The following NPAS3 variants were observed in gnomAD, a reference collection of about 807,000 sequenced individuals.
The protein encoded by NPAS3 is neuronal PAS domain protein 3, also known as neuronal PAS domain-containing protein 3.
Under a neutral mutation model 73.1 loss-of-function variants are expected in NPAS3, and 14 were observed. The ratio of observed to expected loss-of-function variants is 0.19; its 90% confidence interval spans 0.13 to 0.30. The LOEUF (loss-of-function observed/expected upper bound fraction) is 0.30, where lower values mean the gene tolerates loss of function less well. Among genes scored for constraint, NPAS3 ranks in the 10% least tolerant of loss-of-function variants. NPAS3 has a pLI of 1.00. For missense variants in NPAS3, 1,096 were observed against 1,250.0 expected (o/e 0.88, Z 1.86); for synonymous variants, 620 against 541.5 (o/e 1.14, Z -2.01).
At chr14:33,675,528 C>G (rs1357394287) in intron 5 of NPAS3, among the ~76,000 whole-genome samples, 3 of 151,962 alleles carry the variant, frequency 2.0e-5, no homozygotes, top group Admixed American at 2.0e-4. Flanking sequence ...TACTATGTAT[C>G]CTATTAGATT....
chr14:33,666,272 T>G, intron 5 of NPAS3, among the ~76,000 whole-genome samples: 1 of 152,186 alleles, frequency 6.6e-6, no homozygotes, highest in Non-Finnish European at 1.5e-5. Context: ...TAAGCTCCAG[T>G]GCAGTTAAAA....
chr14:33,367,858 G>T (rs944679709), intron 4 of NPAS3, among the ~76,000 whole-genome samples: 16 of 152,100 alleles, frequency 1.1e-4, no homozygotes, highest in African/African-American at 3.4e-4. Context: ...AAGGTCACTA[G>T]GATGAAACTG....
intron 3 of NPAS3, among the ~76,000 whole-genome samples, chr14:33,260,804 A>G (rs1197099583): frequency 3.9e-5 from 6 of 152,148 alleles, no homozygotes; most frequent in Non-Finnish European, 8.8e-5. Context: ...TAATAATCCT[A>G]ACAGATTTCT....
intron 3 of NPAS3, among the ~76,000 whole-genome samples, chr14:33,339,523 T>C (rs1007601921): frequency 6.6e-6 from 1 of 152,258 alleles, no homozygotes; most frequent in Non-Finnish European, 1.5e-5. Flanking sequence ...TGCTACATAG[T>C]CTATATACTC....
chr14:32,970,060 A>G (rs568611011), intron 1 of NPAS3, among the ~76,000 whole-genome samples: 5 of 152,352 alleles, frequency 3.3e-5, no homozygotes, highest in African/African-American at 1.2e-4. Flanking sequence ...CTAAAATTCT[A>G]AAACACATTG....
chr14:32,945,611 A>C (rs2036217438), intron 1 of NPAS3, among the ~76,000 whole-genome samples: 1 of 152,162 alleles, frequency 6.6e-6, no homozygotes, highest in South Asian at 2.1e-4. Flanking sequence ...CCAGTGTGGA[A>C]GGGCCTGCGT....
At chr14:33,598,954 A>G (rs917745721) in intron 5 of NPAS3, among the ~76,000 whole-genome samples, 4 of 152,230 alleles carry the variant, frequency 2.6e-5, no homozygotes, top group African/African-American at 9.6e-5. Flanking sequence ...TATACACTGC[A>G]ATTTCATTCA....
At chr14:33,139,998 C>T (rs10148638) in intron 2 of NPAS3, among the ~76,000 whole-genome samples, 2 of 151,618 alleles carry the variant, frequency 1.3e-5, no homozygotes, top group African/African-American at 4.8e-5. Flanking sequence ...ATTTTTTACG[C>T]TACTTTGCAT....
intron 2 of NPAS3, among the ~76,000 whole-genome samples, chr14:33,080,413 G>A (rs774899954): frequency 6.6e-5 from 10 of 152,176 alleles, no homozygotes; most frequent in African/African-American, 1.2e-4. Context: ...GCCCCAGTCT[G>A]ATTTTTTTAG....
chr14:33,799,330 C>T lies in NPAS3; in HGVS notation c.1427-404C>T, dbSNP rs549360060. On this transcript the variant is annotated intron_variant, in intron 11 of 11. Transcript: ENST00000356141. ...CATGCCATCATTTTTCTGTGTCACACCTTAATCCAGGTTATTTAACCTGAC... is the reference window on the plus strand; with the variant it reads ...CATGCCATCATTTTTCTGTGTCACATCTTAATCCAGGTTATTTAACCTGAC... Among the ~76,000 whole-genome samples, 4 of 152,200 alleles carry T rather than the reference C, an allele frequency of 2.6e-5. No individual in the cohort carries two copies. In the East Asian group the frequency reaches 7.7e-4, roughly 29 times the overall value.
At chr14:33,664,546 G>A (rs1363083625) in intron 5 of NPAS3, among the ~76,000 whole-genome samples, 3 of 152,186 alleles carry the variant, frequency 2.0e-5, no homozygotes, top group Non-Finnish European at 4.4e-5. Context: ...AAGAGCTTCT[G>A]CACAGCAAAA....
chr14:33,287,512 G>A (rs1039500699), intron 3 of NPAS3, among the ~76,000 whole-genome samples: 2 of 152,126 alleles, frequency 1.3e-5, no homozygotes, highest in Non-Finnish European at 2.9e-5. Context: ...CGTGGCTGCT[G>A]TTACCTACTC....
chr14:33,567,618 C>T (rs2056023975), intron 5 of NPAS3, among the ~76,000 whole-genome samples: 1 of 152,220 alleles, frequency 6.6e-6, no homozygotes, highest in African/African-American at 2.4e-5. Flanking sequence ...TAGTAAATGC[C>T]ATCCGAATTT....
chr14:33,240,126 G>A (rs1027606944), intron 3 of NPAS3, among the ~76,000 whole-genome samples: 29 of 151,816 alleles, frequency 1.9e-4, no homozygotes, highest in Non-Finnish European at 4.1e-4. Flanking sequence ...TACCTTGCAT[G>A]GAAGGATGCA....
At position 33,774,474 on chromosome 14, in the gene NPAS3, C is replaced by T. The variant is rs150383378; in HGVS notation, c.990C>T (p.Cys330=). 470 of 1,614,126 alleles carry T rather than the reference C, an allele frequency of 2.9e-4. 1 individual carries two copies. Among genetic ancestry groups the T allele is most frequent in the Non-Finnish European group, 3.9e-4 (458 of 1,179,996 alleles). The stretch of plus-strand genomic sequence containing the variant: ...CGATCAATGAAGTCAGAATTGACTG[C>T]CATATGTTCGTCACTCGAGTAAATA... The change falls in exon 8 of 12, where the codon TGC becomes TGT. Residue 330 remains cysteine (C), a synonymous_variant. Transcript: ENST00000356141.
intron 2 of NPAS3, among the ~76,000 whole-genome samples, chr14:33,133,239 A>G (rs1595518215): frequency 6.6e-6 from 1 of 152,284 alleles, no homozygotes; most frequent in East Asian, 1.9e-4. Context: ...ATCTCTTATG[A>G]AGGCAAGGAT....
At chr14:33,333,801 A>G (rs898718302) in intron 3 of NPAS3, among the ~76,000 whole-genome samples, 1 of 152,154 alleles carries the variant, frequency 6.6e-6, no homozygotes, top group Non-Finnish European at 1.5e-5. Flanking sequence ...ACTAATTCCC[A>G]CTTATAAACA....
At chr14:33,769,623 T>C (rs1887068) in intron 7 of NPAS3, among the ~76,000 whole-genome samples, 2 of 151,960 alleles carry the variant, frequency 1.3e-5, no homozygotes. Context: ...CAAACCTTTC[T>C]TATGGAACAT....
chr14:33,674,381 C>T (rs191002327), intron 5 of NPAS3, among the ~76,000 whole-genome samples: 4 of 152,280 alleles, frequency 2.6e-5, no homozygotes, highest in African/African-American at 7.2e-5. Context: ...CCATGCAAAA[C>T]GAGAGTGACT....
Sources: gnomAD v4.1 joint callset for allele counts (sites outside exome capture counted in the v4.1 genomes callset) on GRCh38, gnomAD v4.1.1 for gene constraint, MANE v1.5 for transcripts, NCBI Gene and HGNC (gene_info 2026-07-23, HGNC 2026-07-21) for gene names.